RHOBTB3: variants seen among roughly 807,000 people sequenced by gnomAD.
The protein encoded by RHOBTB3 is rho-related BTB domain-containing protein 3.
Under a neutral mutation model 67.2 loss-of-function variants are expected in RHOBTB3, and 47 were observed. The ratio of observed to expected loss-of-function variants is 0.70; its 90% CI spans 0.55 to 0.89. The LOEUF (loss-of-function observed/expected upper bound fraction) is 0.89, where lower values mean the gene tolerates loss of function less well. Among genes scored for constraint, RHOBTB3 ranks in the 40% least tolerant of loss-of-function variants. RHOBTB3 has a pLI of 0.00. For missense variants in RHOBTB3, 631 were observed against 750.0 expected, an observed-to-expected ratio of 0.84 and a Z score of 1.85; for synonymous variants, 273 against 274.2, an observed-to-expected ratio of 1.00 and a Z score of 0.04.
chr5:95,771,779 T>A (rs1039606663), intron 8 of RHOBTB3, among the ~76,000 whole-genome samples: 2 of 152,336 alleles, frequency 1.3e-5, no homozygotes, highest in East Asian at 3.9e-4. Context: ...TGTCTGTTGA[T>A]GAAGACATTT....
At chr5:95,780,477 C>A (rs748799584) in intron 9 of RHOBTB3, 52 bp downstream of exon 9, 10 of 1,522,706 alleles carry the variant, frequency 6.6e-6, no homozygotes, top group Admixed American at 3.4e-5. Flanking sequence ...TTCCTTGCCA[C>A]CCATTTTGTT....
chr5:95,745,101 T>A (rs1294191652), intron 3 of RHOBTB3, among the ~76,000 whole-genome samples: 4 of 150,912 alleles, frequency 2.7e-5, no homozygotes, highest in Admixed American at 6.6e-5. Context: ...CATAAAAATT[T>A]AAAAAAATTA....
At chr5:95,780,447 A>G in intron 9 of RHOBTB3, 22 bp downstream of exon 9, 1 of 1,599,830 alleles carries the variant, frequency 6.3e-7, no homozygotes, top group Non-Finnish European at 8.6e-7. Context: ...AAATGTTGAT[A>G]GTATCTCAGA....
At chr5:95,745,217 C>T (rs1002662744) in intron 3 of RHOBTB3, among the ~76,000 whole-genome samples, 4 of 152,196 alleles carry the variant, frequency 2.6e-5, no homozygotes, top group South Asian at 2.1e-4. Flanking sequence ...ATTAAGCACA[C>T]GCCATCATGC....
chr5:95,785,638 C>T (rs1049610929), intron 10 of RHOBTB3, among the ~76,000 whole-genome samples: 1 of 151,674 alleles, frequency 6.6e-6, no homozygotes, highest in African/African-American at 2.4e-5. Context: ...TTTTGTAAAA[C>T]GTTTACATTC....
At chr5:95,752,190 G>GCATATAT in intron 4 of RHOBTB3, 49 bp from the exon 5 acceptor site, 1 of 1,118,688 alleles carries the variant, frequency 8.9e-7, no homozygotes, top group Non-Finnish European at 1.3e-6. Context: ...TTTCATGTTG[G>GCATATAT]ATATATAGTT....
rs1263952673 is a variant in RHOBTB3, at chr5:95,794,928, C to A, written c.*1754C>A. 1.3e-5 allele frequency: 2 copies of A among 151,888 alleles called. No homozygotes were observed. Among genetic ancestry groups the A allele is most frequent in the African/African-American group, 2.4e-5 (1 of 41,316 alleles). 9.4% of individuals were successfully genotyped at this position (151,888 alleles called of 1,614,324 possible). On this transcript the variant is annotated 3_prime_UTR_variant, in exon 12 of 12. Coordinates refer to ENST00000379982, the MANE Select transcript of RHOBTB3 (RefSeq NM_014899.4). ...AACCAGCCTGGCCAAAACAGTGAAA[C>A]CCCGTCTCTACTAAAAATACAAAAT...
rs969573267 is a variant in RHOBTB3, at chr5:95,763,564, G to A, written c.1105G>A (p.Gly369Arg). 3 of 1,612,784 alleles carry A rather than the reference G, an allele frequency of 1.9e-6. No individual in the cohort carries two copies. The highest frequency in any genetic ancestry group is 2.7e-5 in the African/African-American group (2 of 74,878). ...EDIRKKLKDS[G>R]DVSNVIEKVK... The stretch of plus-strand genomic sequence containing the variant: ...TATCAGGAAGAAGTTGAAAGATTCT[G>A]GGGATGTTTCAAATGTAATCGAGAA... Residue 369 changes from glycine to arginine, a missense_variant, in exon 7 of 12, where the codon GGG becomes AGG. Physicochemically the swap from Gly to Arg is moderately radical, Grantham distance 125. Coordinates refer to ENST00000379982, the MANE Select transcript of RHOBTB3 (RefSeq NM_014899.4).
intron 3 of RHOBTB3, among the ~76,000 whole-genome samples, chr5:95,739,661 C>G (rs941535378): frequency 6.6e-6 from 1 of 152,104 alleles, no homozygotes; most frequent in Non-Finnish European, 1.5e-5. Flanking sequence ...AACGATGCCC[C>G]CCACCTCAGC....
chr5:95,772,479 TTGTC>T (rs966420464), intron 8 of RHOBTB3, among the ~76,000 whole-genome samples: 2 of 152,180 alleles, frequency 1.3e-5, no homozygotes, highest in Non-Finnish European at 2.9e-5. Context: ...TTTTAGACCT[TTGTC>T]TGCTCTTTTT....
At chr5:95,740,647 A>G (rs1396503124) in intron 3 of RHOBTB3, among the ~76,000 whole-genome samples, 2 of 152,252 alleles carry the variant, frequency 1.3e-5, no homozygotes, top group Non-Finnish European at 2.9e-5. Context: ...CATCAGCTTT[A>G]TGGTAAATTG....
chr5:95,741,094 C>A (rs553497831), intron 3 of RHOBTB3, among the ~76,000 whole-genome samples: 1 of 151,936 alleles, frequency 6.6e-6, no homozygotes, highest in Non-Finnish European at 1.5e-5. Flanking sequence ...TTTGGGAGGC[C>A]GACGCGGGTG....
Position 95,748,421 on chromosome 5 carries a change from AG to A in RHOBTB3, c.506del (p.Gly169GlufsTer15). On this transcript the variant is annotated frameshift_variant, in exon 4 of 12. Transcript: ENST00000379982. LOFTEE classifies it high-confidence loss of function. ...AAGGGATCCAACTTGCAAAAGAACT[AG>A]GAGCGACCTATCTTGAACTCCACAG... ...TEGIQLAKEL[G>X]ATYLELHSLD... The A allele has an allele frequency of 6.2e-7, 1 of 1,613,606 alleles. No homozygotes were observed.
chr5:95,748,722 A>C (rs1745002298), intron 4 of RHOBTB3, among the ~76,000 whole-genome samples: 2 of 152,088 alleles, frequency 1.3e-5, no homozygotes, highest in Non-Finnish European at 2.9e-5. Context: ...TCATTTGGTG[A>C]TCTTTAGTAG....
At chr5:95,744,096 C>T (rs1395759943) in intron 3 of RHOBTB3, among the ~76,000 whole-genome samples, 1 of 151,888 alleles carries the variant, frequency 6.6e-6, no homozygotes, top group African/African-American at 2.4e-5. Flanking sequence ...CTCCTCCCCC[C>T]TTCCCCCTTT....
At chr5:95,756,097 C>T (rs549483701) in intron 6 of RHOBTB3, 1 of 208,244 alleles carries the variant, frequency 4.8e-6, no homozygotes, top group Non-Finnish European at 9.7e-6. Context: ...CACCACCATC[C>T]GTGTCCATAA....
chr5:95,790,576 G>A (rs1343491919), intron 11 of RHOBTB3, among the ~76,000 whole-genome samples: 1 of 152,176 alleles, frequency 6.6e-6, no homozygotes, highest in African/African-American at 2.4e-5. Flanking sequence ...GTGCAAAGCA[G>A]GACTTCCAGT....
At chr5:95,766,184 C>T (rs1745538707) in intron 7 of RHOBTB3, among the ~76,000 whole-genome samples, 1 of 151,728 alleles carries the variant, frequency 6.6e-6, no homozygotes, top group Non-Finnish European at 1.5e-5. Flanking sequence ...ATCATTTTTC[C>T]CCCCTCACCG....
chr5:95,786,967 C>T (rs1008707383), intron 10 of RHOBTB3, among the ~76,000 whole-genome samples: 4 of 152,186 alleles, frequency 2.6e-5, no homozygotes, highest in Admixed American at 2.0e-4. Context: ...CTTCCCAAAC[C>T]CCCACATGTG....
Sources: gnomAD v4.1 joint callset for allele counts (sites outside exome capture counted in the v4.1 genomes callset) on GRCh38, gnomAD v4.1.1 for gene constraint, MANE v1.5 for transcripts, NCBI Gene and HGNC (gene_info 2026-07-23, HGNC 2026-07-21) for gene names.